Variants in WFIKKN1 observed in about 807,000 individuals in gnomAD.
WFIKKN1 encodes WAP, follistatin/kazal, immunoglobulin, kunitz and netrin domain containing 1, also known as WAP, Kazal, immunoglobulin, Kunitz and NTR domain-containing protein 1.
Under a neutral mutation model 4.6 loss-of-function variants are expected in WFIKKN1, and 6 were observed. The observed-to-expected ratio is 1.31, with a 90% CI of 0.72 to 2.59. The LOEUF is 2.59. Ranked by LOEUF, WFIKKN1 falls within the 30% of genes most tolerant of loss-of-function variation. The pLI is 0.00. For missense variants in WFIKKN1, 964 were observed against 818.0 expected (o/e 1.18, Z -2.18); for synonymous variants, 468 against 367.4 (o/e 1.27, Z -3.13).
At chr16:631,500 C>A in intron 1 of WFIKKN1, 76 bp downstream of exon 1, 1 of 1,538,986 alleles carries the variant, frequency 6.5e-7, no homozygotes, top group African/African-American at 1.4e-5. Context: ...GTGCCACCTT[C>A]TGCCTGGGCT....
At chr16:632,437 T>G in intron 1 of WFIKKN1, 145 bp from the exon 2 acceptor site, 2 of 1,058,236 alleles carry the variant, frequency 1.9e-6, no homozygotes, top group Non-Finnish European at 2.6e-6. Flanking sequence ...TCACACAGGA[T>G]GGAAAGGACA....
At position 633,705 on chromosome 16, in the gene WFIKKN1, G is replaced by A. The variant is rs761975795; in HGVS notation, c.1295G>A (p.Arg432His). Reference protein sequence around the residue: ...LRSKLALSLCRSDFAIVGRLT... With the variant: ...LRSKLALSLCHSDFAIVGRLT... ...AGCAAGCTGGCGCTGAGCCTGTGCC[G>A]CAGCGACTTCGCCATCGTGGGGCGG... Residue 432 changes from arginine (R) to histidine (H), a missense_variant, in exon 2 of 2, where the codon CGC (arginine) becomes CAC (histidine). Physicochemically the swap from Arg to His is conservative, Grantham distance 29 (BLOSUM62 0). Coordinates refer to ENST00000319070, the MANE Select transcript of WFIKKN1 (RefSeq NM_053284.3). The A allele has an allele frequency of 1.2e-5, 19 of 1,585,106 alleles. No homozygotes were observed. The South Asian group carries it at 1.3e-4, about 10-fold the overall frequency.
rs1483364756 is a variant in WFIKKN1, at chr16:633,788, G to A, written c.1378G>A (p.Glu460Lys). 8.7e-6 allele frequency: 14 copies of A among 1,601,030 alleles called. No individual in the cohort carries two copies. The highest frequency in any genetic ancestry group is 2.7e-5 in the African/African-American group (2 of 74,718). Reference sequence around the variant, plus strand: ...CGGCGGCATCGCCCGCGTGGCGCTCGAGGACGTGCTCAAGGATGACAAGAT... The same window carrying A: ...CGGCGGCATCGCCCGCGTGGCGCTCAAGGACGTGCTCAAGGATGACAAGAT... ...AAGGIARVAL[E>K]DVLKDDKMGL... The change falls in exon 2 of 2, where the codon GAG becomes AAG. Residue 460 changes from glutamate (E) to lysine (K), a missense_variant. By Grantham distance (56) the Glu-to-Lys change is moderately conservative. Transcript: ENST00000319070.
chr16:632,589 C>G lies in WFIKKN1; in HGVS notation c.179C>G (p.Ala60Gly). The change falls in exon 2 of 2, where the codon GCG becomes GGG. Residue 60 changes from alanine (A) to glycine (G), a missense_variant. Physicochemically the swap from Ala to Gly is moderately conservative, Grantham distance 60. Transcript: ENST00000319070. ...ERECSRDQDC[A>G]AAEKCCINVC... ...AGTGTCCCCCATCCCCAGGACTGTGCGGCTGCTGAGAAGTGCTGCATCAAC... is the reference window on the plus strand; with the variant it reads ...AGTGTCCCCCATCCCCAGGACTGTGGGGCTGCTGAGAAGTGCTGCATCAAC... 1 of 1,545,404 alleles carries G rather than the reference C, an allele frequency of 6.5e-7. No individual in the cohort carries two copies. Among genetic ancestry groups the G allele is most frequent in the Non-Finnish European group, 8.8e-7 (1 of 1,142,246 alleles).
At chr16:631,513 C>G in intron 1 of WFIKKN1, 89 bp downstream of exon 1, 1 of 1,512,586 alleles carries the variant, frequency 6.6e-7, no homozygotes, top group Non-Finnish European at 8.8e-7. Context: ...CCTGGGCTCC[C>G]CAGACTTCTG....
At chr16:631,449 T>G in intron 1 of WFIKKN1, 25 bp downstream of exon 1, 1 of 1,596,660 alleles carries the variant, frequency 6.3e-7, no homozygotes, top group Non-Finnish European at 8.5e-7. Context: ...GCCGGGGTCC[T>G]GGGGCTCAGA....
At position 633,231 on chromosome 16, in the gene WFIKKN1, C is replaced by T. The variant is rs2036976682; in HGVS notation, c.821C>T (p.Ala274Val). 1 of 1,587,668 alleles carries T rather than the reference C, an allele frequency of 6.3e-7. No individual in the cohort carries two copies. The highest frequency in any genetic ancestry group is 1.1e-5 in the South Asian group (1 of 88,184). Residue 274 changes from alanine to valine, a missense_variant, in exon 2 of 2, where the codon GCT (alanine) becomes GTT (valine). Ala to Val is a moderately conservative substitution (Grantham distance 64). Transcript: ENST00000319070. ...TARNAAGLLR[A>V]DFPLSVVQRE... ...CGCAACGCTGCTGGGCTGCTGCGGG[C>T]TGACTTCCCACTCTCTGTGGTCCAG...
rs75432281 is a variant in WFIKKN1 at position 631,088 on chromosome 16, G to A, written c.-166G>A. 69,317 of 758,506 alleles carry A rather than the reference G, an allele frequency of 0.091. 3,552 individuals carry two copies. Among genetic ancestry groups the A allele is most frequent in the African/African-American group, 0.1 (5,715 of 54,882 alleles). 47.0% of individuals were successfully genotyped at this position (758,506 alleles called of 1,614,324 possible). ...CCACCCAGCAGGGGTGTCAGGACAAGCATCTGCTGCAGGCTTCAGCCTCAG... is the reference window on the plus strand; with the variant it reads ...CCACCCAGCAGGGGTGTCAGGACAAACATCTGCTGCAGGCTTCAGCCTCAG... On this transcript the variant is annotated 5_prime_UTR_variant, in exon 1 of 2. Coordinates refer to ENST00000319070, the MANE Select transcript of WFIKKN1 (RefSeq NM_053284.3).
chr16:631,316 C>T lies in WFIKKN1; in HGVS notation c.63C>T (p.Gly21=), dbSNP rs548570895. 1.2e-6 allele frequency: 2 copies of T among 1,602,382 alleles called. No individual in the cohort carries two copies. Among genetic ancestry groups the T allele is most frequent in the African/African-American group, 2.7e-5 (2 of 74,940 alleles). The stretch of plus-strand genomic sequence containing the variant: ...TCCTCCGGCTGACCTCGGGGGCTGG[C>T]TTGCTGCCAGGGCTGGGGAGCCACC... ...LLLLRLTSGA[G]LLPGLGSHPG... Residue 21 remains glycine (G), a synonymous_variant, in exon 1 of 2, where the codon GGC becomes GGT. Transcript: ENST00000319070.
intron 1 of WFIKKN1, 179 bp from the exon 2 acceptor site, chr16:632,403 T>G: frequency 1.6e-6 from 1 of 639,550 alleles, no homozygotes; most frequent in Non-Finnish European, 2.4e-6. Context: ...GTAAGCCAGG[T>G]GGCACCTCTG....
Position 633,702 on chromosome 16 carries a change from G to A in WFIKKN1, c.1292G>A (p.Cys431Tyr). 1 of 1,585,086 alleles carries A rather than the reference G, an allele frequency of 6.3e-7. No homozygotes were observed. ...RLRSKLALSL[C>Y]RSDFAIVGRL... Reference sequence around the variant, plus strand: ...CGGAGCAAGCTGGCGCTGAGCCTGTGCCGCAGCGACTTCGCCATCGTGGGG... The same window carrying A: ...CGGAGCAAGCTGGCGCTGAGCCTGTACCGCAGCGACTTCGCCATCGTGGGG... Residue 431 changes from cysteine (C) to tyrosine (Y), a missense_variant, in exon 2 of 2, where the codon TGC (cysteine) becomes TAC (tyrosine). Physicochemically the swap from Cys to Tyr is radical, Grantham distance 194. Transcript: ENST00000319070.
At position 631,878 on chromosome 16, in the gene WFIKKN1, C is replaced by T. The variant is rs375931466; in HGVS notation, c.171+454C>T. On this transcript the variant is annotated intron_variant, in intron 1 of 1. Coordinates refer to ENST00000319070, the MANE Select transcript of WFIKKN1 (RefSeq NM_053284.3). ...TCCTATCCACTCCTCCCATCCACTT[C>T]TTCCATCCTCTTCTCCCACCCCATC... 6.1e-4 allele frequency: 63 copies of T among 103,388 alleles called. 3 individuals are homozygous for T. Among genetic ancestry groups the T allele is most frequent in the East Asian group, 1.0e-3 (4 of 4,010 alleles). The allele number at this position is 103,388 out of a possible 1,614,324, so 6.4% of individuals were successfully genotyped here.
Position 631,180 on chromosome 16 carries a change from A to T in WFIKKN1, c.-74A>T. ...ACAGGCCCGGAGGGTGGATGCCTGC[A>T]GGAAGCTGGGCTCTGTGGAGCCCGA... On this transcript the variant is annotated 5_prime_UTR_variant, in exon 1 of 2. Transcript: ENST00000319070. The T allele has an allele frequency of 6.8e-7, 1 of 1,466,618 alleles. No homozygotes were observed. Among genetic ancestry groups the T allele is most frequent in the Non-Finnish European group, 9.0e-7 (1 of 1,108,910 alleles). The allele number at this position is 1,466,618 out of a possible 1,614,324, so 90.9% of individuals were successfully genotyped here.
chr16:632,567 G>A lies in WFIKKN1; in HGVS notation c.172-15G>A, dbSNP rs1170846016. 7 of 1,496,570 alleles carry A rather than the reference G, an allele frequency of 4.7e-6. No homozygotes were observed. The highest frequency in any genetic ancestry group is 5.0e-5 in the East Asian group (2 of 40,038). 92.7% of individuals were successfully genotyped at this position (1,496,570 alleles called of 1,614,324 possible). Reference sequence around the variant, plus strand: ...GGGGCATTGGGGCTCCCACCTAAGTGTCCCCCATCCCCAGGACTGTGCGGC... The same window carrying A: ...GGGGCATTGGGGCTCCCACCTAAGTATCCCCCATCCCCAGGACTGTGCGGC... On this transcript the variant is annotated splice_polypyrimidine_tract_variant and intron_variant, in intron 1 of 1. Transcript: ENST00000319070.
In WFIKKN1 at chr16:633,779, G is replaced by A. The variant is rs752283984; in HGVS notation, c.1369G>A (p.Val457Met). The A allele has an allele frequency of 1.3e-5, 20 of 1,599,600 alleles. No individual in the cohort carries two copies. In the East Asian group the frequency reaches 3.0e-4, roughly 24 times the overall value. Residue 457 changes from valine (V) to methionine (M), a missense_variant, in exon 2 of 2, where the codon GTG becomes ATG. Val to Met is a conservative substitution (Grantham distance 21, BLOSUM62 1). Transcript: ENST00000319070. ...EPEAAGGIAR[V>M]ALEDVLKDDK... is the part of the protein sequence containing the mutation. ...CGAGGCCGCCGGCGGCATCGCCCGC[G>A]TGGCGCTCGAGGACGTGCTCAAGGA...
At position 633,164 on chromosome 16, in the gene WFIKKN1, A is replaced by G; in HGVS notation, c.754A>G (p.Asn252Asp). Residue 252 changes from asparagine (N) to aspartate (D), a missense_variant, in exon 2 of 2, where the codon AAC becomes GAC. Asn to Asp is a conservative substitution (Grantham distance 23, BLOSUM62 1). Coordinates refer to ENST00000319070, the MANE Select transcript of WFIKKN1 (RefSeq NM_053284.3). ...CAGCATCGGGCAGCTGGTGCTCTACAACGCGCGGCCCGAAGACGCCGGCCT... is the reference window on the plus strand; with the variant it reads ...CAGCATCGGGCAGCTGGTGCTCTACGACGCGCGGCCCGAAGACGCCGGCCT... Reference protein sequence around the residue: ...VTSIGQLVLYNARPEDAGLYT... With the variant: ...VTSIGQLVLYDARPEDAGLYT... 1.2e-6 allele frequency: 2 copies of G among 1,600,540 alleles called. No homozygotes were observed. Among genetic ancestry groups the G allele is most frequent in the South Asian group, 1.1e-5 (1 of 90,172 alleles).
chr16:632,984 C>T lies in WFIKKN1; in HGVS notation c.574C>T (p.Pro192Ser). The change falls in exon 2 of 2, where the codon CCC (proline) becomes TCC (serine). Residue 192 changes from proline to serine, a missense_variant. Physicochemically the swap from Pro to Ser is moderately conservative, Grantham distance 74 (BLOSUM62 -1). Coordinates refer to ENST00000319070, the MANE Select transcript of WFIKKN1 (RefSeq NM_053284.3). ...CGTGCCTCCTGCCCTGTACAGCAGC[C>T]CCTCCCCACAGGCGGTGCAGGTTGG... ...APVPPALYSS[P>S]SPQAVQVGGT... 1 of 1,595,974 alleles carries T rather than the reference C, an allele frequency of 6.3e-7. No homozygotes were observed. The highest frequency in any genetic ancestry group is 1.3e-5 in the African/African-American group (1 of 74,650).
rs764545508 is a variant in WFIKKN1 at position 632,683 on chromosome 16, C to T, written c.273C>T (p.Ala91=). The part of the protein sequence containing the change: ...PGSPAAPTTA[A]SCEGFVCPQQ... ...GCCCAGCTGCGCCGACGACAGCGGC[C>T]TCCTGCGAGGGCTTTGTGTGCCCAC... The change falls in exon 2 of 2, where the codon GCC becomes GCT. Residue 91 remains alanine (A), a synonymous_variant. Coordinates refer to ENST00000319070, the MANE Select transcript of WFIKKN1 (RefSeq NM_053284.3). 1.2e-6 allele frequency: 2 copies of T among 1,607,350 alleles called. No homozygotes were observed. Among genetic ancestry groups the T allele is most frequent in the African/African-American group, 1.3e-5 (1 of 74,890 alleles).
At position 634,102 on chromosome 16, in the gene WFIKKN1, C is replaced by A. The variant is rs2036998644; in HGVS notation, c.*45C>A. Reference sequence around the variant, plus strand: ...CACCCCGTCCTGGTGAATAAACGCACTCCCTGTGCCTCAGACCTCCTGGCT... The same window carrying A: ...CACCCCGTCCTGGTGAATAAACGCAATCCCTGTGCCTCAGACCTCCTGGCT... On this transcript the variant is annotated 3_prime_UTR_variant, in exon 2 of 2. Coordinates refer to ENST00000319070, the MANE Select transcript of WFIKKN1 (RefSeq NM_053284.3). 3 of 1,484,616 alleles carry A rather than the reference C, an allele frequency of 2.0e-6. No individual in the cohort carries two copies. The highest frequency in any genetic ancestry group is 2.8e-5 in the African/African-American group (2 of 71,160). 92.0% of individuals were successfully genotyped at this position (1,484,616 alleles called of 1,614,324 possible).
Sources: gnomAD v4.1 joint callset for allele counts on GRCh38, gnomAD v4.1.1 for gene constraint, MANE v1.5 for transcripts, NCBI Gene and HGNC (gene_info 2026-07-23, HGNC 2026-07-21) for gene names.